The following IL5RA variants were observed in gnomAD, a reference collection of about 807,000 sequenced individuals.
The protein encoded by IL5RA is interleukin 5 receptor subunit alpha.
A neutral mutation model predicts 50.0 loss-of-function variants in IL5RA; 49 were observed. The ratio of observed to expected loss-of-function variants is 0.98; its 90% CI spans 0.78 to 1.24. The LOEUF is 1.24. Ranked by LOEUF, IL5RA falls within the 50% of genes most tolerant of loss-of-function variation. The pLI is 0.00. For missense variants in IL5RA, 600 were observed against 500.4 expected (o/e 1.20, Z -1.90); for synonymous variants, 202 against 174.0 (o/e 1.16, Z -1.26).
At chr3:3,083,078 G>C (rs1022128286) in intron 9 of IL5RA, among the ~76,000 whole-genome samples, 7 of 152,216 alleles carry the variant, frequency 4.6e-5, no homozygotes, top group Non-Finnish European at 8.8e-5. Flanking sequence ...CAATATGGCA[G>C]TCTATGATAC....
At chr3:3,097,774 G>T in intron 7 of IL5RA, 96 bp downstream of exon 7, 1 of 1,317,418 alleles carries the variant, frequency 7.6e-7, no homozygotes, top group South Asian at 1.5e-5. Context: ...CTTGGCATCA[G>T]AGAAGCAGTA....
At chr3:3,102,515 G>T (rs746736197) in intron 4 of IL5RA, among the ~76,000 whole-genome samples, 160 bp downstream of exon 4, 5 of 152,192 alleles carry the variant, frequency 3.3e-5, no homozygotes, top group Non-Finnish European at 7.3e-5. Context: ...CCCGGCGCTA[G>T]CTCACAGGCA....
intron 9 of IL5RA, among the ~76,000 whole-genome samples, chr3:3,082,724 G>C (rs970302691): frequency 6.6e-6 from 1 of 152,208 alleles, no homozygotes; most frequent in Non-Finnish European, 1.5e-5. Flanking sequence ...ACTAGTCCCA[G>C]CTCTGCCTCT....
In IL5RA at chr3:3,092,254, A is replaced by G; in HGVS notation, c.964T>C (p.Trp322Arg). The stretch of plus-strand genomic sequence containing the variant: ...TAAATAGGTTGGCTCCACTCACTCC[A>G]GAGCCCTGCCTCTCTGCACATGGAG... ...VSSMCREAGLWSEWSQPIYVG... is the reference protein window; with the variant it reads ...VSSMCREAGLRSEWSQPIYVG... The change falls in exon 9 of 12, where the codon TGG (tryptophan) becomes CGG (arginine). Residue 322 changes from tryptophan to arginine, a missense_variant. Physicochemically the swap from Trp to Arg is moderately radical, Grantham distance 101 (BLOSUM62 -3). Coordinates refer to ENST00000446632, the MANE Select transcript of IL5RA (RefSeq NM_175726.4). The surrounding 1 kb of genome is among the most constrained non-coding windows in gnomAD (Gnocchi z 4.2). 6.2e-7 allele frequency: 1 copy of G among 1,614,128 alleles called. No individual in the cohort carries two copies. The highest frequency in any genetic ancestry group is 8.5e-7 in the Non-Finnish European group (1 of 1,180,000).
intron 1 of IL5RA, among the ~76,000 whole-genome samples, chr3:3,109,335 T>G (rs969129003): frequency 6.6e-6 from 1 of 152,212 alleles, no homozygotes; most frequent in East Asian, 1.9e-4. Flanking sequence ...GAACGCCTCC[T>G]TCAGTTAGAT....
At chr3:3,109,103 C>G (rs563906235) in intron 1 of IL5RA, among the ~76,000 whole-genome samples, 33 of 152,276 alleles carry the variant, frequency 2.2e-4, no homozygotes, top group African/African-American at 7.9e-4. Context: ...ATTTTAGGCT[C>G]AAGGGTATTA....
chr3:3,078,544 T>G (rs1233973512), intron 9 of IL5RA, among the ~76,000 whole-genome samples: 2 of 152,160 alleles, frequency 1.3e-5, no homozygotes, highest in Non-Finnish European at 2.9e-5. Context: ...TCTAAATTCT[T>G]GAATAAGGGC....
At chr3:3,105,644 G>A (rs1037572816) in intron 2 of IL5RA, 1 of 134,706 alleles carries the variant, frequency 7.4e-6, no homozygotes, top group African/African-American at 2.9e-5. Context: ...ACCCCGCAAA[G>A]GGAGCGGATC....
chr3:3,089,134 A>C (rs547725639), intron 9 of IL5RA, among the ~76,000 whole-genome samples: 1 of 152,242 alleles, frequency 6.6e-6, no homozygotes, highest in East Asian at 1.9e-4. Flanking sequence ...ATTATGAAGC[A>C]GGTGAGTTTA....
At position 3,098,275 on chromosome 3, in the gene IL5RA, G is replaced by A. The variant is rs1354325236; in HGVS notation, c.383C>T (p.Ser128Leu). The change falls in exon 6 of 12, where the codon TCA (serine) becomes TTA (leucine). Residue 128 changes from serine (S) to leucine (L), a missense_variant. Physicochemically the swap from Ser to Leu is moderately radical, Grantham distance 145. Coordinates refer to ENST00000446632, the MANE Select transcript of IL5RA (RefSeq NM_175726.4). ...LHAPPGSPGT[S>L]IVNLTCTTNT... ...TGTGGTGCAAGTTAAATTCACAATT[G>A]AGGTTCCAGGAGACCCTAGGTAGTC... 7 of 1,613,818 alleles carry A rather than the reference G, an allele frequency of 4.3e-6. No homozygotes were observed. The highest frequency in any genetic ancestry group is 1.3e-5 in the African/African-American group (1 of 74,914).
chr3:3,098,010 A>T lies in IL5RA; in HGVS notation c.569T>A (p.Leu190Gln). Residue 190 changes from leucine to glutamine, a missense_variant, in exon 7 of 12, where the codon CTG becomes CAG. Physicochemically the swap from Leu to Gln is moderately radical, Grantham distance 113. Transcript: ENST00000446632. ...AAACCAGCATGCGATATTTCTCCCC[A>T]GTGTGTCTTTGCTGTATTCTTGGCA... ...EECQEYSKDT[L>Q]GRNIACWFPR... 1 of 1,614,190 alleles carries T rather than the reference A, an allele frequency of 6.2e-7. No individual in the cohort carries two copies. Among genetic ancestry groups the T allele is most frequent in the Non-Finnish European group, 8.5e-7 (1 of 1,180,036 alleles).
chr3:3,086,137 A>G (rs1180738333), intron 9 of IL5RA, among the ~76,000 whole-genome samples: 1 of 152,204 alleles, frequency 6.6e-6, no homozygotes, highest in East Asian at 1.9e-4. Flanking sequence ...GTCACAGAAG[A>G]AGCAGTTCTC....
At chr3:3,084,754 A>C in intron 9 of IL5RA, among the ~76,000 whole-genome samples, 1 of 152,164 alleles carries the variant, frequency 6.6e-6, no homozygotes, top group East Asian at 1.9e-4. Flanking sequence ...CCCACCTACT[A>C]TCTGTGTAGC....
intron 9 of IL5RA, among the ~76,000 whole-genome samples, chr3:3,077,909 C>T (rs540188202): frequency 5.8e-4 from 89 of 152,240 alleles, no homozygotes; most frequent in South Asian, 4.2e-3. Context: ...GTTTCCTTTC[C>T]GTGGGAGAGG....
At chr3:3,106,662 T>C (rs1169219133) in intron 2 of IL5RA, among the ~76,000 whole-genome samples, 2 of 152,168 alleles carry the variant, frequency 1.3e-5, no homozygotes, top group Admixed American at 1.3e-4. Flanking sequence ...AAAACACTAG[T>C]AATCTACTAA....
At chr3:3,102,525 A>T (rs1703701949) in intron 4 of IL5RA, 150 bp downstream of exon 4, 1 of 540,852 alleles carries the variant, frequency 1.8e-6, no homozygotes, top group Non-Finnish European at 3.2e-6. Context: ...GCTCACAGGC[A>T]TTCTTAGAGA....
chr3:3,095,207 C>T, intron 8 of IL5RA, 92 bp downstream of exon 8: 2 of 930,074 alleles, frequency 2.2e-6, no homozygotes, highest in Non-Finnish European at 3.3e-6. Flanking sequence ...TAGTACCAAG[C>T]TGTAACTTGG....
intron 1 of IL5RA, among the ~76,000 whole-genome samples, chr3:3,109,071 A>G (rs1704063267): frequency 1.3e-5 from 2 of 152,200 alleles, no homozygotes; most frequent in Non-Finnish European, 2.9e-5. Flanking sequence ...TAAAAGCACC[A>G]TCACTTTTCA....
rs2290608 is a variant in IL5RA at position 3,110,075 on chromosome 3, C to G, written c.-276G>C. ...TCATCACGGCTGTAATGGTTAAAAA[C>G]TCTCAGGCAGCTTCCTTCATGATGG... On this transcript the variant is annotated 5_prime_UTR_variant, in exon 1 of 12. Transcript: ENST00000446632. The G allele has an allele frequency of 7.9e-5, 12 of 152,186 alleles. No homozygotes were observed. Among genetic ancestry groups the G allele is most frequent in the African/African-American group, 2.9e-4 (12 of 41,538 alleles). The allele number at this position is 152,186 out of a possible 1,614,324, so 9.4% of individuals were successfully genotyped here.
Sources: allele counts gnomAD v4.1 joint callset (sites outside exome capture counted in the v4.1 genomes callset), GRCh38; gene constraint gnomAD v4.1.1; non-coding constraint Gnocchi (gnomAD v3.1); transcripts MANE v1.5; gene names NCBI Gene and HGNC (gene_info 2026-07-23, HGNC 2026-07-21).